Variants in PCDHGB1 observed in about 807,000 individuals in gnomAD.
PCDHGB1 encodes protocadherin gamma subfamily B, 1.
PCDHGB1 carries 34 observed loss-of-function variants against 56.6 expected under a neutral mutation model. The observed-to-expected ratio is 0.60, with a 90% confidence interval of 0.46 to 0.80. The LOEUF (loss-of-function observed/expected upper bound fraction) is 0.80. PCDHGB1 is among the 30% of genes least tolerant of loss of function. The probability of loss-of-function intolerance (pLI) is 0.00; values close to 1 mark genes in which losing one functional copy is unlikely to be tolerated. For missense variants in PCDHGB1, 1,278 were observed against 1,204.6 expected (o/e 1.06, Z -0.90); for synonymous variants, 561 against 505.9 (o/e 1.11, Z -1.46).
At chr5:141,399,862 G>T in intron 1 of PCDHGB1, 1 of 1,612,900 alleles carries the variant, frequency 6.2e-7, no homozygotes, top group South Asian at 1.1e-5. Flanking sequence ...GCGCGCTGCA[G>T]AGCCCGGCTA....
Position 141,486,672 on chromosome 5 carries a change from G to A in PCDHGB1, c.2410-8135G>A. The A allele has an allele frequency of 5.0e-6, 8 of 1,614,000 alleles. No homozygotes were observed. Among genetic ancestry groups the A allele is most frequent in the Non-Finnish European group, 5.9e-6 (7 of 1,180,028 alleles). On this transcript the variant is annotated intron_variant, in intron 1 of 3. Coordinates refer to ENST00000523390, the MANE Select transcript of PCDHGB1 (RefSeq NM_018922.3). This position sits in a 1 kb window ranked among gnomAD's most constrained non-coding sequence, Gnocchi z 5.0. Reference sequence around the variant, plus strand: ...TACTCACTCCTGGAGCCCAGGAATCGAGATGTATCAGCTTCCTCTTTCATC... The same window carrying A: ...TACTCACTCCTGGAGCCCAGGAATCAAGATGTATCAGCTTCCTCTTTCATC...
At chr5:141,374,810 A>G in intron 1 of PCDHGB1, 1 of 1,613,952 alleles carries the variant, frequency 6.2e-7, no homozygotes, top group Non-Finnish European at 8.5e-7. Context: ...TCCAATGTTT[A>G]CTCAGCCTGT....
intron 1 of PCDHGB1, chr5:141,403,361 A>T (rs760277157): frequency 3.1e-6 from 5 of 1,614,050 alleles, no homozygotes; most frequent in Middle Eastern, 1.6e-4. Context: ...CCAGGCCGAA[A>T]GTCTGGAAGT....
chr5:141,433,408 A>T lies in PCDHGB1; in HGVS notation c.2410-61399A>T, dbSNP rs1052180455. On this transcript the variant is annotated intron_variant, in intron 1 of 3. Coordinates refer to ENST00000523390, the MANE Select transcript of PCDHGB1 (RefSeq NM_018922.3). Reference sequence around the variant, plus strand: ...CTATCTATCTATCTATCTATCTATTACTTTCTTGTACAGACAGGAGTCTCA... The same window carrying T: ...CTATCTATCTATCTATCTATCTATTTCTTTCTTGTACAGACAGGAGTCTCA... 4.2e-3 allele frequency among the ~76,000 whole-genome samples: 537 copies of T among 127,344 alleles called. 4 individuals carry two copies. The highest frequency in any genetic ancestry group is 0.015 in the African/African-American group (523 of 34,010). 83.5% of individuals were successfully genotyped at this position (127,344 alleles called of 152,430 possible). A position where few individuals can be genotyped will look rare whatever the true frequency, so the allele number is the denominator to read the frequency against.
intron 1 of PCDHGB1, among the ~76,000 whole-genome samples, chr5:141,475,732 C>T (rs2099367914): frequency 6.6e-6 from 1 of 152,248 alleles, no homozygotes; most frequent in Non-Finnish European, 1.5e-5. Context: ...GCTGGCTTTC[C>T]CTAAGGTAGG....
chr5:141,467,625 T>C (rs1407031447), intron 1 of PCDHGB1, among the ~76,000 whole-genome samples: 1 of 152,202 alleles, frequency 6.6e-6, no homozygotes, highest in African/African-American at 2.4e-5. Flanking sequence ...TGATTTGAGA[T>C]AGCATCTTTA....
intron 1 of PCDHGB1, chr5:141,395,122 T>C (rs72790033): frequency 0.028 from 44,899 of 1,614,158 alleles, 731 homozygotes; most frequent in Non-Finnish European, 0.032. Flanking sequence ...CACCTGATCT[T>C]TCCCCAGCCC....
At chr5:141,354,548 C>T (rs1759572044) in intron 1 of PCDHGB1, among the ~76,000 whole-genome samples, 1 of 152,238 alleles carries the variant, frequency 6.6e-6, no homozygotes, top group African/African-American at 2.4e-5. Flanking sequence ...AGAGGGTCAA[C>T]TCCTGTGAGG....
rs554037493 is a variant in PCDHGB1, at chr5:141,364,941, AAG to A, written c.2409+12276_2409+12277del. On this transcript the variant is annotated intron_variant, in intron 1 of 3. Coordinates refer to ENST00000523390, the MANE Select transcript of PCDHGB1 (RefSeq NM_018922.3). ...TTGGAACAGCCCCTAGACCGCGAGA[AAG>A]AGACTGTTCACGACCTCCTCCTCAC... is the stretch of plus-strand genomic sequence containing the variant. 73 of 1,613,952 alleles carry A rather than the reference AAG, an allele frequency of 4.5e-5. No homozygotes were observed. The East Asian group carries it at 1.6e-3, about 35-fold the overall frequency.
intron 1 of PCDHGB1, chr5:141,382,952 T>C (rs781221322): frequency 6.2e-7 from 1 of 1,601,438 alleles, no homozygotes; most frequent in Non-Finnish European, 8.5e-7. Context: ...CTGCTCTCCA[T>C]CCTCCTGGGG....
At chr5:141,497,703 C>T (rs995815060) in intron 2 of PCDHGB1, among the ~76,000 whole-genome samples, 16 of 152,134 alleles carry the variant, frequency 1.1e-4, no homozygotes, top group African/African-American at 3.9e-4. Context: ...CCACACCCAG[C>T]TCATTTTTGT....
At chr5:141,437,463 AC>A (rs2097887109) in intron 1 of PCDHGB1, among the ~76,000 whole-genome samples, 1 of 152,184 alleles carries the variant, frequency 6.6e-6, no homozygotes, top group Non-Finnish European at 1.5e-5. Flanking sequence ...ACTATACTAT[AC>A]TTTTATAGCA....
intron 1 of PCDHGB1, chr5:141,375,574 G>A: frequency 6.2e-7 from 1 of 1,614,058 alleles, no homozygotes; most frequent in African/African-American, 1.3e-5. Context: ...ACACCCTCCA[G>A]GGGGCGCCCC....
chr5:141,459,617 A>G (rs900986636), intron 1 of PCDHGB1, among the ~76,000 whole-genome samples: 2 of 152,258 alleles, frequency 1.3e-5, no homozygotes, highest in African/African-American at 2.4e-5. Flanking sequence ...GCTTAACTTT[A>G]TAAGAAGCTG....
intron 1 of PCDHGB1, chr5:141,408,154 A>T: frequency 6.6e-7 from 1 of 1,510,630 alleles, no homozygotes; most frequent in Non-Finnish European, 8.9e-7. Context: ...GGTAGAGTGC[A>T]CTTTCTCCAA....
At position 141,491,872 on chromosome 5, in the gene PCDHGB1, G is replaced by A; in HGVS notation, c.2410-2935G>A. On this transcript the variant is annotated intron_variant, in intron 1 of 3. Transcript: ENST00000523390. The surrounding 1 kb of genome is among the most constrained non-coding windows in gnomAD (Gnocchi z 6.9). ...CCGTTTGCGCGAAACCAGAGTGGCCGATTAAGGGATGGGGCTCCGAGCACC... is the reference window on the plus strand; with the variant it reads ...CCGTTTGCGCGAAACCAGAGTGGCCAATTAAGGGATGGGGCTCCGAGCACC... 6.9e-7 allele frequency: 1 copy of A among 1,452,190 alleles called. No individual in the cohort carries two copies. The highest frequency in any genetic ancestry group is 9.1e-7 in the Non-Finnish European group (1 of 1,098,644). The allele number at this position is 1,452,190 out of a possible 1,614,324, so 90.0% of individuals were successfully genotyped here.
At position 141,365,767 on chromosome 5, in the gene PCDHGB1, C is replaced by A. The variant is rs775369116; in HGVS notation, c.2409+13098C>A. 1.9e-6 allele frequency: 3 copies of A among 1,613,718 alleles called. No homozygotes were observed. The East Asian group carries it at 6.7e-5, about 36-fold the overall frequency. ...TCTTCTCTGTGACAGCCCATGACCC[C>A]GACAGCGGCGACAACGCTCGAGTCA... On this transcript the variant is annotated intron_variant, in intron 1 of 3. Transcript: ENST00000523390.
At chr5:141,365,067 A>G in intron 1 of PCDHGB1, 1 of 1,613,826 alleles carries the variant, frequency 6.2e-7, no homozygotes, top group Non-Finnish European at 8.5e-7. Context: ...ACCCCATCCG[A>G]GTACAGCGTG....
intron 2 of PCDHGB1, among the ~76,000 whole-genome samples, chr5:141,504,451 G>A (rs2099838355): frequency 1.3e-5 from 2 of 152,070 alleles, no homozygotes; most frequent in South Asian, 4.2e-4. Context: ...CTAGTGCCAT[G>A]TGGGGCAGCC....
Sources: gnomAD v4.1 joint callset for allele counts (sites outside exome capture counted in the v4.1 genomes callset) on GRCh38, gnomAD v4.1.1 for gene constraint, Gnocchi (gnomAD v3.1) non-coding constraint, MANE v1.5 for transcripts, NCBI Gene and HGNC (gene_info 2026-07-23, HGNC 2026-07-21) for gene names.